BRCA1: variants seen among roughly 807,000 people sequenced by gnomAD.
BRCA1 encodes the protein BRCA1 DNA repair associated, also known as breast cancer type 1 susceptibility protein.
In BRCA1, 140 loss-of-function variants were observed where a neutral mutation model predicts 173.7. That is an observed-to-expected ratio of 0.81 (90% CI 0.70 to 0.93). The LOEUF is 0.93. BRCA1 is among the 40% of genes least tolerant of loss of function. BRCA1 has a pLI of 0.00. For synonymous variants in BRCA1, 662 were observed against 756.0 expected (o/e 0.88, Z 2.04); for missense variants, 1,983 against 2,172.5 (o/e 0.91, Z 1.73).
At chr17:43,147,074 G>A (rs552691589) in intron 1 of BRCA1, among the ~76,000 whole-genome samples, 40 of 152,028 alleles carry the variant, frequency 2.6e-4, no homozygotes, top group Middle Eastern at 3.4e-3. Flanking sequence ...GCGTGATCTC[G>A]GCTCACCGCA....
At chr17:43,126,962 G>C (rs1428675458), upstream of BRCA1, among the ~76,000 whole-genome samples, 1 of 152,142 alleles carries the variant, frequency 6.6e-6, no homozygotes, top group African/African-American at 2.4e-5. Flanking sequence ...CCTAGCACCC[G>C]GGCCAGCAGC....
intron 20 of BRCA1, among the ~76,000 whole-genome samples, chr17:43,050,537 C>T (rs1055912119): frequency 4.6e-5 from 7 of 150,790 alleles, no homozygotes; most frequent in African/African-American, 9.8e-5. Context: ...CACTTGAACC[C>T]GGGAGGTGGA....
chr17:43,112,348 A>G (rs1265226369), intron 3 of BRCA1: 1 of 152,164 alleles, frequency 6.6e-6, no homozygotes, highest in East Asian at 1.9e-4. Flanking sequence ...AGCCTCCCAA[A>G]GTGCTGGGAT....
rs1555574692 is a variant in BRCA1, at chr17:43,047,639, T to A, written c.5467+4A>T. ...TATAGCACAGGTACATGCAGGCACC[T>A]TACCATGGAAGCCATTGTCCTCTGT... On this transcript the variant is annotated splice_donor_region_variant and intron_variant, in intron 22 of 22. Coordinates refer to ENST00000357654, the MANE Select transcript of BRCA1 (RefSeq NM_007294.4). 6.2e-7 allele frequency: 1 copy of A among 1,614,158 alleles called. No homozygotes were observed. The highest frequency in any genetic ancestry group is 8.5e-7 in the Non-Finnish European group (1 of 1,180,016).
At chr17:43,059,585 C>T (rs1443776944) in intron 18 of BRCA1, among the ~76,000 whole-genome samples, 2 of 152,154 alleles carry the variant, frequency 1.3e-5, no homozygotes, top group African/African-American at 4.8e-5. Context: ...CCCATATTCC[C>T]TACCATGCCT....
At chr17:43,165,073 A>G (rs777615892) in intron 1 of BRCA1, among the ~76,000 whole-genome samples, 4 of 152,184 alleles carry the variant, frequency 2.6e-5, no homozygotes, top group Non-Finnish European at 4.4e-5. Context: ...AGATAAGCTA[A>G]ATTTTATCTT....
At chr17:43,117,786 C>G (rs2154567636) in intron 2 of BRCA1, among the ~76,000 whole-genome samples, 1 of 152,092 alleles carries the variant, frequency 6.6e-6, no homozygotes, top group African/African-American at 2.4e-5. Context: ...ATACATCACC[C>G]AAGTTCCCAT....
chr17:43,055,288 C>T (rs1328204004), intron 19 of BRCA1, among the ~76,000 whole-genome samples: 1 of 152,166 alleles, frequency 6.6e-6, no homozygotes, highest in African/African-American at 2.4e-5. Context: ...TTAGAATGCT[C>T]CATTTTTTTT....
intron 12 of BRCA1, among the ~76,000 whole-genome samples, chr17:43,077,353 C>A (rs1357687744): frequency 6.8e-6 from 1 of 147,830 alleles, no homozygotes; most frequent in African/African-American, 2.5e-5. Context: ...TTTTTTGAGA[C>A]GGAGTCTCAC....
intron 1 of BRCA1, chr17:43,140,053 G>GT (rs773564157): frequency 6.1e-5 from 24 of 395,532 alleles, no homozygotes; most frequent in Non-Finnish European, 1.2e-4. Context: ...CCTAACTATG[G>GT]TTGGAAGCTT....
intron 11 of BRCA1, among the ~76,000 whole-genome samples, chr17:43,084,528 G>T (rs903055919): frequency 6.6e-6 from 1 of 152,212 alleles, no homozygotes; most frequent in Non-Finnish European, 1.5e-5. Flanking sequence ...AAAAAGTCCA[G>T]TGGGGGAGTA....
At chr17:43,100,672 A>ATGTG (rs1433391664) in intron 6 of BRCA1, among the ~76,000 whole-genome samples, 1 of 18,508 alleles carries the variant, frequency 5.4e-5, no homozygotes, top group African/African-American at 3.8e-4. Flanking sequence ...ATATATATAT[A>ATGTG]TATATAATAT....
intron 18 of BRCA1, among the ~76,000 whole-genome samples, chr17:43,059,554 G>A (rs907416825): frequency 6.6e-5 from 10 of 151,970 alleles, no homozygotes; most frequent in Non-Finnish European, 1.5e-4. Context: ...TTCCATTCCT[G>A]CTTCCTGCCT....
At chr17:43,133,462 G>T (rs1341612811) in intron 1 of BRCA1, among the ~76,000 whole-genome samples, 1 of 152,058 alleles carries the variant, frequency 6.6e-6, no homozygotes, top group Non-Finnish European at 1.5e-5. Context: ...CAGTTCTCCT[G>T]TCTGGCTTTG....
upstream of BRCA1, among the ~76,000 whole-genome samples, chr17:43,129,255 C>T (rs1467982484): frequency 3.9e-5 from 6 of 152,212 alleles, no homozygotes. Context: ...GATTAATGCT[C>T]TTGCTGAAAG....
chr17:43,156,244 G>GA (rs200961569), intron 1 of BRCA1, among the ~76,000 whole-genome samples: 208 of 140,094 alleles, frequency 1.5e-3, no homozygotes, highest in African/African-American at 2.6e-3. Context: ...CTCAAAAAAA[G>GA]AAAAAAAAAA....
intron 1 of BRCA1, among the ~76,000 whole-genome samples, chr17:43,142,004 T>C (rs983646365): frequency 2.6e-5 from 4 of 151,916 alleles, no homozygotes; most frequent in African/African-American, 9.7e-5. Flanking sequence ...CTCCGTCTCC[T>C]GGGTTCAAGC....
chr17:43,057,410 C>T (rs1397260156), intron 18 of BRCA1, among the ~76,000 whole-genome samples: 1 of 151,910 alleles, frequency 6.6e-6, no homozygotes, highest in Non-Finnish European at 1.5e-5. Context: ...ACTTGGGAGG[C>T]TGAGGCAGGA....
chr17:43,156,337 C>T lies in BRCA1; in HGVS notation c.-20+13789G>A, dbSNP rs534046430. 2.1e-4 allele frequency among the ~76,000 whole-genome samples: 32 copies of T among 152,140 alleles called. 1 individual carries two copies. The South Asian group carries it at 5.6e-3, about 27-fold the overall frequency. On this transcript the variant is annotated intron_variant, in intron 1 of 7. Coordinates refer to the BRCA1 transcript ENST00000634433. ...ACTCTTGTAATCATGGTGTTTCTGA[C>T]GTAGCACAGGGCAGTGAAAAGAGAA...
Sources: allele counts gnomAD v4.1 joint callset (sites outside exome capture counted in the v4.1 genomes callset), GRCh38; gene constraint gnomAD v4.1.1; transcripts MANE v1.5; gene names NCBI Gene and HGNC (gene_info 2026-07-23, HGNC 2026-07-21).